The following EPHB4 variants were observed in gnomAD, a reference collection of about 807,000 sequenced individuals.
EPHB4 encodes EPH receptor B4.
EPHB4 carries 50 observed loss-of-function variants against 110.6 expected under a neutral mutation model. That is an observed-to-expected ratio of 0.45 (90% CI 0.36 to 0.57). EPHB4 has a LOEUF of 0.57. Among genes scored for constraint, EPHB4 ranks in the 20% least tolerant of loss-of-function variants. The pLI is 0.00. For missense variants in EPHB4, 1,128 were observed against 1,382.1 expected (o/e 0.82, Z 2.91); for synonymous variants, 592 against 578.4 (o/e 1.02, Z -0.34).
rs775159333 is a variant in EPHB4, at chr7:100,819,771, G to A, written c.1083C>T (p.Cys361=). 6.3e-7 allele frequency: 1 copy of A among 1,589,968 alleles called. No homozygotes were observed. Residue 361 remains cysteine, a synonymous_variant, in exon 6 of 17, where the codon TGC becomes TGT. Transcript: ENST00000358173. ...AGGAGCCTCCGGGTCGGCACTCCCG[G>A]CAGCGGAGGGCGTAGGTGAGGTCCT... ...GREDLTYALR[C]RECRPGGSCA...
intron 8 of EPHB4, among the ~76,000 whole-genome samples, chr7:100,816,659 G>A (rs1182968302): frequency 1.3e-5 from 2 of 152,116 alleles, no homozygotes; most frequent in Admixed American, 1.3e-4. Flanking sequence ...TCGAGCAACT[G>A]CGCTCCAGCC....
intron 14 of EPHB4, 40 bp downstream of exon 14, chr7:100,806,380 A>G (rs760547158): frequency 2.5e-6 from 4 of 1,582,320 alleles, no homozygotes; most frequent in South Asian, 1.2e-5. Context: ...CAGGTGAGAG[A>G]ACACTCGAGG....
intron 5 of EPHB4, 64 bp from the exon 6 acceptor site, chr7:100,819,953 G>A: frequency 6.7e-7 from 1 of 1,489,126 alleles, no homozygotes; most frequent in South Asian, 1.3e-5. Flanking sequence ...AGAGGGCAAT[G>A]GAGGCACCAG....
rs771896916 is a variant in EPHB4, at chr7:100,813,215, A to C, written c.1757-7T>G. ...TCGATGTAGACCTTAGTACCTGAGA[A>C]ATCAGGCAGGGCCCCGTCAGCTGGG... On this transcript the variant is annotated splice_polypyrimidine_tract_variant and splice_region_variant and intron_variant, in intron 10 of 16. Coordinates refer to ENST00000358173, the MANE Select transcript of EPHB4 (RefSeq NM_004444.5). The C allele has an allele frequency of 6.3e-7, 1 of 1,598,554 alleles. No individual in the cohort carries two copies. The highest frequency in any genetic ancestry group is 2.2e-5 in the East Asian group (1 of 44,838).
At chr7:100,811,544 C>T (rs905988341) in intron 12 of EPHB4, among the ~76,000 whole-genome samples, 1 of 151,810 alleles carries the variant, frequency 6.6e-6, no homozygotes, top group Non-Finnish European at 1.5e-5. Flanking sequence ...ATGACCGGTG[C>T]GTAGAAAGCA....
At chr7:100,824,477 GGTAGGCAT>G in intron 1 of EPHB4, 1 of 584,216 alleles carries the variant, frequency 1.7e-6, no homozygotes, top group East Asian at 2.9e-5. Context: ...CCCAACATCT[GGTAGGCAT>G]GGGGCTCCCT....
chr7:100,815,809 A>T (rs1446789159), intron 8 of EPHB4, among the ~76,000 whole-genome samples: 3 of 152,078 alleles, frequency 2.0e-5, no homozygotes, highest in Non-Finnish European at 4.4e-5. Flanking sequence ...CAACATAGGG[A>T]AACTGTCTCA....
chr7:100,806,412 A>G lies in EPHB4; in HGVS notation c.2484+8T>C, dbSNP rs188430894. On this transcript the variant is annotated splice_region_variant and intron_variant, in intron 14 of 16. Coordinates refer to ENST00000358173, the MANE Select transcript of EPHB4 (RefSeq NM_004444.5). ...GAGGAAAGCTTGGTAGGACCACGGG[A>G]CACTTACGTCCTGATTGCTCATGTC... is the stretch of plus-strand genomic sequence containing the variant. 57 of 1,609,880 alleles carry G rather than the reference A, an allele frequency of 3.5e-5. No homozygotes were observed. In the African/African-American group the frequency reaches 6.5e-4, roughly 18 times the overall value.
chr7:100,821,559 C>T (rs1028219983), intron 4 of EPHB4, among the ~76,000 whole-genome samples: 8 of 148,860 alleles, frequency 5.4e-5, no homozygotes, highest in East Asian at 4.2e-4. Flanking sequence ...ACTTGGGAGG[C>T]GGAGCTTGCA....
chr7:100,812,843 G>C lies in EPHB4; in HGVS notation c.2022C>G (p.Pro674=), dbSNP rs2116431649. The change falls in exon 12 of 17, where the codon CCC becomes CCG. Residue 674 remains proline (P), a synonymous_variant. Coordinates refer to ENST00000358173, the MANE Select transcript of EPHB4 (RefSeq NM_004444.5). Reference sequence around the variant, plus strand: ...CCACGCCCTCCAGGCGGATGATATTGGGGTGCTCGAACTGGCCCATGATGG... The same window carrying C: ...CCACGCCCTCCAGGCGGATGATATTCGGGTGCTCGAACTGGCCCATGATGG... ...EASIMGQFEH[P]NIIRLEGVVT... is the part of the protein sequence containing the mutation. The C allele has an allele frequency of 6.2e-7, 1 of 1,614,224 alleles. No homozygotes were observed. Among genetic ancestry groups the C allele is most frequent in the Non-Finnish European group, 8.5e-7 (1 of 1,180,044 alleles).
At position 100,822,708 on chromosome 7, in the gene EPHB4, C is replaced by G; in HGVS notation, c.412-41G>C. ...AGGCACACCGCTGCTGTCCCCACTC[C>G]CTGAGGACCCAGCGGACTGTTGTGT... On this transcript the variant is annotated intron_variant, in intron 3 of 16. Transcript: ENST00000358173. This position sits in a 1 kb window ranked among gnomAD's most constrained non-coding sequence, Gnocchi z 4.7. 1 of 1,487,912 alleles carries G rather than the reference C, an allele frequency of 6.7e-7. No homozygotes were observed. 92.2% of individuals were successfully genotyped at this position (1,487,912 alleles called of 1,614,324 possible).
rs1429727921 is a variant in EPHB4 at position 100,827,002 on chromosome 7, G to A, written c.29C>T (p.Ala10Val). The A allele has an allele frequency of 1.0e-5, 16 of 1,578,138 alleles. No individual in the cohort carries two copies. Among genetic ancestry groups the A allele is most frequent in the African/African-American group, 1.4e-5 (1 of 73,688 alleles). Residue 10 changes from alanine to valine, a missense_variant, in exon 1 of 17, where the codon GCT becomes GTT. By Grantham distance (64) the Ala-to-Val change is moderately conservative (BLOSUM62 0). Transcript: ENST00000358173. Reference protein sequence around the residue: MELRVLLCWASLAAALEETL... With the variant: MELRVLLCWVSLAAALEETL... ...ACCTTCCAAAGCTGCGGCCAACGAA[G>A]CCCAGCAGAGCAGCACCCGGAGCTC...
At chr7:100,809,950 C>T (rs370190187) in intron 12 of EPHB4, among the ~76,000 whole-genome samples, 1 of 152,110 alleles carries the variant, frequency 6.6e-6, no homozygotes, top group African/African-American at 2.4e-5. Context: ...CCTGTCTCTA[C>T]TAAAAATACA....
intron 10 of EPHB4, 37 bp downstream of exon 10, chr7:100,813,615 C>T (rs746140760): frequency 3.1e-6 from 5 of 1,611,094 alleles, no homozygotes; most frequent in Non-Finnish European, 4.2e-6. Flanking sequence ...CACACCCGGC[C>T]CCAAGCCCCT....
In EPHB4 at chr7:100,805,228, G is replaced by T. The variant is rs764404042; in HGVS notation, c.2772C>A (p.Tyr924Ter). 6.2e-7 allele frequency: 1 copy of T among 1,613,376 alleles called. No homozygotes were observed. Among genetic ancestry groups the T allele is most frequent in the Non-Finnish European group, 8.5e-7 (1 of 1,179,738 alleles). ...AGCCAGCGGCTGCGAAACTTTCTTC[G>T]TATCTTCCCATTTTGATGGCCCGAA... is the stretch of plus-strand genomic sequence containing the variant. ...EWLRAIKMGRYEESFAAAGFG... is the reference protein window; with the variant it reads ...EWLRAIKMGR Residue 924 changes from tyrosine (Y) to a stop codon, truncating the protein, a stop_gained, in exon 16 of 17, where the codon TAC becomes TAA. Transcript: ENST00000358173. LOFTEE classifies it high-confidence loss of function.
chr7:100,819,921 G>A (rs958498025), intron 5 of EPHB4, 32 bp from the exon 6 acceptor site: 8 of 1,526,662 alleles, frequency 5.2e-6, no homozygotes, highest in Admixed American at 2.0e-5. Context: ...GGCAGAGGCC[G>A]ACCTGCTCTG....
At chr7:100,814,607 C>T (rs1217830334) in intron 8 of EPHB4, among the ~76,000 whole-genome samples, 2 of 152,164 alleles carry the variant, frequency 1.3e-5, no homozygotes, top group Non-Finnish European at 2.9e-5. Flanking sequence ...AAAGGTGAAA[C>T]ATTTTCAGGT....
chr7:100,819,624 GT>G lies in EPHB4; in HGVS notation c.1229del (p.Asn410ThrfsTer6). The G allele has an allele frequency of 6.2e-7, 1 of 1,607,748 alleles. No homozygotes were observed. On this transcript the variant is annotated frameshift_variant, in exon 6 of 17. Transcript: ENST00000358173. LOFTEE classifies it high-confidence loss of function. ...GCCCCGTGGCTAAGGAGGATACCCC[GT>G]TCAATGCAGTGACCTCAAAGGTATA... ...FTYTFEVTAL[N>X]GVSSLATGPV... is the part of the protein sequence containing the mutation.
Position 100,813,264 on chromosome 7 carries a change from G to T in EPHB4, c.1757-56C>A. The T allele has an allele frequency of 2.1e-6, 3 of 1,420,402 alleles. No individual in the cohort carries two copies. The Admixed American group carries it at 5.5e-5, about 26-fold the overall frequency. 88.0% of individuals were successfully genotyped at this position (1,420,402 alleles called of 1,614,324 possible). A position where few individuals can be genotyped will look rare whatever the true frequency, so the allele number is the denominator to read the frequency against. The stretch of plus-strand genomic sequence containing the variant: ...GGAATTAACTCCCACTGGACTCGGA[G>T]GCTCGGCTCATAGCTTTTAGCCCCA... On this transcript the variant is annotated intron_variant, in intron 10 of 16. Transcript: ENST00000358173.
Sources: gnomAD v4.1 joint callset for allele counts (sites outside exome capture counted in the v4.1 genomes callset) on GRCh38, gnomAD v4.1.1 for gene constraint, Gnocchi (gnomAD v3.1) non-coding constraint, MANE v1.5 for transcripts, NCBI Gene and HGNC (gene_info 2026-07-23, HGNC 2026-07-21) for gene names.